Variants in GRK3 observed in about 807,000 individuals in gnomAD.
GRK3 encodes the protein G protein-coupled receptor kinase 3.
GRK3 carries 54 observed loss-of-function variants against 95.7 expected under a neutral mutation model. That is an observed-to-expected ratio of 0.56 (90% CI 0.45 to 0.71). GRK3 has a LOEUF of 0.71. Among genes scored for constraint, GRK3 ranks in the 30% least tolerant of loss-of-function variants. GRK3 has a pLI of 0.00. For missense variants in GRK3, 649 were observed against 851.2 expected, an observed-to-expected ratio of 0.76 and a Z score of 2.96; for synonymous variants, 281 against 290.8, an observed-to-expected ratio of 0.97 and a Z score of 0.34.
At chr22:25,625,786 A>T (rs1042038055) in intron 2 of GRK3, among the ~76,000 whole-genome samples, 20 of 152,322 alleles carry the variant, frequency 1.3e-4, no homozygotes, top group African/African-American at 4.6e-4. Context: ...AGTCTCTGAT[A>T]TGCAAAAATA....
chr22:25,624,407 C>A (rs2084611419), intron 2 of GRK3, among the ~76,000 whole-genome samples: 1 of 151,822 alleles, frequency 6.6e-6, no homozygotes, highest in Admixed American at 6.6e-5. Flanking sequence ...ACTAAAAATA[C>A]AAAAAAATTA....
chr22:25,648,840 G>A, intron 3 of GRK3: 1 of 1,120,278 alleles, frequency 8.9e-7, no homozygotes, highest in Non-Finnish European at 1.4e-6. Context: ...GTGCAAAATA[G>A]CAGATTTTGG....
At chr22:25,635,079 C>T (rs897022152) in intron 2 of GRK3, among the ~76,000 whole-genome samples, 1 of 152,094 alleles carries the variant, frequency 6.6e-6, no homozygotes, top group African/African-American at 2.4e-5. Flanking sequence ...TGAATGTGGC[C>T]CCACATAAAT....
rs557602597 is a variant in GRK3 at position 25,587,521 on chromosome 22, C to T, written c.114-16856C>T. Among the ~76,000 whole-genome samples the T allele has an allele frequency of 3.2e-3, 491 of 152,266 alleles. 2 individuals are homozygous for T. Among genetic ancestry groups the T allele is most frequent in the African/African-American group, 0.011 (466 of 41,562 alleles). ...TTGGCTCACTGCAATCTCTGCCTCCCAGGCTTAAGCAATCCTGCCACGTCA... is the reference window on the plus strand; with the variant it reads ...TTGGCTCACTGCAATCTCTGCCTCCTAGGCTTAAGCAATCCTGCCACGTCA... On this transcript the variant is annotated intron_variant, in intron 1 of 20. Transcript: ENST00000324198.
chr22:25,725,759 G>C lies in GRK3; in HGVS notation c.*3309G>C, dbSNP rs1359858174. The C allele has an allele frequency of 2.5e-6, 1 of 395,816 alleles. No individual in the cohort carries two copies. The allele number at this position is 395,816 out of a possible 1,614,324, so 24.5% of individuals were successfully genotyped here. A position where few individuals can be genotyped will look rare whatever the true frequency, so the allele number is the denominator to read the frequency against. On this transcript the variant is annotated 3_prime_UTR_variant, in exon 21 of 21. Transcript: ENST00000324198. Reference sequence around the variant, plus strand: ...CAGGAGATTGAGACCATCCTGGTTAGCAGAGTGAAACCCCGTCTCTACTAA... The same window carrying C: ...CAGGAGATTGAGACCATCCTGGTTACCAGAGTGAAACCCCGTCTCTACTAA...
intron 12 of GRK3, among the ~76,000 whole-genome samples, chr22:25,693,269 T>G (rs2085179730): frequency 6.6e-6 from 1 of 152,224 alleles, no homozygotes; most frequent in Non-Finnish European, 1.5e-5. Flanking sequence ...AGCAGCTGCC[T>G]TAGGCAGAAT....
intron 2 of GRK3, among the ~76,000 whole-genome samples, chr22:25,638,329 T>C (rs79350306): frequency 1.8e-3 from 276 of 152,308 alleles, no homozygotes; most frequent in African/African-American, 6.2e-3. Flanking sequence ...TTCTGTTACA[T>C]GATAAAGGGA....
intron 18 of GRK3, among the ~76,000 whole-genome samples, chr22:25,716,459 G>A (rs771169023): frequency 1.2e-4 from 18 of 152,308 alleles, no homozygotes; most frequent in Admixed American, 5.9e-4. Flanking sequence ...TCATAAGCAT[G>A]TTCAAGTGTA....
chr22:25,696,565 T>C (rs1448540558), intron 13 of GRK3, among the ~76,000 whole-genome samples: 1 of 152,238 alleles, frequency 6.6e-6, no homozygotes, highest in Non-Finnish European at 1.5e-5. Flanking sequence ...ACATTAAAAT[T>C]TCCTAGTTAA....
intron 3 of GRK3, among the ~76,000 whole-genome samples, chr22:25,657,636 G>A (rs938521357): frequency 6.6e-6 from 1 of 151,910 alleles, no homozygotes; most frequent in Admixed American, 6.6e-5. Flanking sequence ...CTGCTTTTTA[G>A]TGAAGTAATT....
chr22:25,634,490 T>C (rs1374140989), intron 2 of GRK3, among the ~76,000 whole-genome samples: 1 of 152,200 alleles, frequency 6.6e-6, no homozygotes, highest in Non-Finnish European at 1.5e-5. Context: ...AAAATGATAA[T>C]CTTCAAATTG....
intron 1 of GRK3, among the ~76,000 whole-genome samples, chr22:25,570,992 A>G (rs1381110586): frequency 6.6e-6 from 1 of 152,118 alleles, no homozygotes; most frequent in East Asian, 1.9e-4. Context: ...CAGTGAAAAT[A>G]TTTTTGCGAC....
At chr22:25,609,853 T>G (rs2084482627) in intron 2 of GRK3, among the ~76,000 whole-genome samples, 1 of 148,950 alleles carries the variant, frequency 6.7e-6, no homozygotes, top group Non-Finnish European at 1.5e-5. Flanking sequence ...TACTTTTTTT[T>G]TTTTTTTTTT....
intron 9 of GRK3, among the ~76,000 whole-genome samples, chr22:25,682,838 A>T (rs2085085276): frequency 6.6e-6 from 1 of 152,218 alleles, no homozygotes; most frequent in South Asian, 2.1e-4. Flanking sequence ...CCAGTCACTA[A>T]CCCTGCACCC....
rs550205225 is a variant in GRK3 at position 25,646,804 on chromosome 22, C to T, written c.264+2139C>T. 2.6e-5 allele frequency among the ~76,000 whole-genome samples: 4 copies of T among 151,958 alleles called. No homozygotes were observed. The South Asian group carries it at 6.2e-4, about 24-fold the overall frequency. ...TTGAGAGGCCAAGGCGGGTGGATCA[C>T]GAGGTCAGGAGTTCAAGACCAGCCT... On this transcript the variant is annotated intron_variant, in intron 3 of 20. Transcript: ENST00000324198.
At chr22:25,591,192 G>A (rs531060465) in intron 1 of GRK3, among the ~76,000 whole-genome samples, 48 of 152,162 alleles carry the variant, frequency 3.2e-4, no homozygotes, top group African/African-American at 1.0e-3. Flanking sequence ...ACAGAACTCA[G>A]GAAAATGCTA....
chr22:25,692,266 T>A (rs1344445492), intron 12 of GRK3, among the ~76,000 whole-genome samples: 4 of 152,194 alleles, frequency 2.6e-5, no homozygotes, highest in African/African-American at 9.7e-5. Flanking sequence ...CTGTGTCCTG[T>A]CAAAATCCTG....
chr22:25,686,855 T>C (rs1347652051), intron 10 of GRK3, among the ~76,000 whole-genome samples: 2 of 152,230 alleles, frequency 1.3e-5, no homozygotes, highest in Non-Finnish European at 2.9e-5. Context: ...ACGGAGTCTC[T>C]GTTGCCCAGG....
chr22:25,704,977 T>C (rs2085288400), intron 15 of GRK3, among the ~76,000 whole-genome samples: 1 of 152,158 alleles, frequency 6.6e-6, no homozygotes, highest in Admixed American at 6.5e-5. Flanking sequence ...CTGTATCTCT[T>C]CTCCCCCAGG....
Sources: allele counts gnomAD v4.1 joint callset (sites outside exome capture counted in the v4.1 genomes callset), GRCh38; gene constraint gnomAD v4.1.1; transcripts MANE v1.5; gene names NCBI Gene and HGNC (gene_info 2026-07-23, HGNC 2026-07-21).